Variants in TENT4B observed in about 807,000 individuals in gnomAD.
TENT4B encodes terminal nucleotidyltransferase 4B.
A neutral mutation model predicts 75.0 loss-of-function variants in TENT4B; 10 were observed. That is an observed-to-expected ratio of 0.13 (90% CI 0.08 to 0.23). TENT4B has a LOEUF of 0.23. Among genes scored for constraint, TENT4B ranks in the 10% least tolerant of loss-of-function variants. TENT4B has a pLI of 1.00. For missense variants in TENT4B, 579 were observed against 893.8 expected (o/e 0.65, Z 4.49); for synonymous variants, 350 against 357.7 (o/e 0.98, Z 0.24).
At chr16:50,163,877 G>A (rs919888388) in intron 1 of TENT4B, among the ~76,000 whole-genome samples, 2 of 151,592 alleles carry the variant, frequency 1.3e-5, no homozygotes, top group South Asian at 2.1e-4. Flanking sequence ...ATGGGGTCTC[G>A]CCGGGTGCGA....
chr16:50,231,774 A>G lies in TENT4B; in HGVS notation c.*2446A>G. The stretch of plus-strand genomic sequence containing the variant: ...CGTGAATACTGTGTATCTTGCAGTG[A>G]ACAGTGTGGAAGCTGTTCATTTTTC... On this transcript the variant is annotated 3_prime_UTR_variant, in exon 12 of 12. Transcript: ENST00000561678. The G allele has an allele frequency of 1.0e-6, 1 of 985,814 alleles. No homozygotes were observed. Among genetic ancestry groups the G allele is most frequent in the Non-Finnish European group, 1.2e-6 (1 of 829,876 alleles). 61.1% of individuals were successfully genotyped at this position (985,814 alleles called of 1,614,324 possible).
chr16:50,224,454 A>G (rs963182136), intron 7 of TENT4B, among the ~76,000 whole-genome samples: 5 of 152,194 alleles, frequency 3.3e-5, no homozygotes, highest in African/African-American at 9.7e-5. Flanking sequence ...ACATTCCGGC[A>G]ACTGATACAC....
At position 50,231,579 on chromosome 16, in the gene TENT4B, G is replaced by A; in HGVS notation, c.*2251G>A. The A allele has an allele frequency of 1.0e-6, 1 of 985,818 alleles. No individual in the cohort carries two copies. The highest frequency in any genetic ancestry group is 1.2e-6 in the Non-Finnish European group (1 of 829,908). The allele number at this position is 985,818 out of a possible 1,614,324, so 61.1% of individuals were successfully genotyped here. A position where few individuals can be genotyped will look rare whatever the true frequency, so the allele number is the denominator to read the frequency against. Reference sequence around the variant, plus strand: ...TATATTAAGGTGGTGGTAGCGGGAAGATAATTCTGATTCCATTGGGAATCT... The same window carrying A: ...TATATTAAGGTGGTGGTAGCGGGAAAATAATTCTGATTCCATTGGGAATCT... On this transcript the variant is annotated 3_prime_UTR_variant, in exon 12 of 12. Transcript: ENST00000561678.
chr16:50,154,200 C>T lies in TENT4B; in HGVS notation c.579C>T (p.Gly193=), dbSNP rs1483281916. The T allele has an allele frequency of 1.1e-5, 16 of 1,503,310 alleles. No homozygotes were observed. Among genetic ancestry groups the T allele is most frequent in the Non-Finnish European group, 1.3e-5 (15 of 1,133,692 alleles). The allele number at this position is 1,503,310 out of a possible 1,614,324, so 93.1% of individuals were successfully genotyped here. ...CGGGGGGCGGCCGAGCAGACGGCGG[C>T]GGGGTCGTGTACAGCGGGACCCCGT... is the stretch of plus-strand genomic sequence containing the variant. The part of the protein sequence containing the change: ...RAAGGGRADG[G]GVVYSGTPWK... Residue 193 remains glycine, a synonymous_variant, in exon 1 of 12, where the codon GGC becomes GGT. Coordinates refer to ENST00000561678, the MANE Select transcript of TENT4B (RefSeq NM_001365324.3).
At chr16:50,218,437 A>G (rs1310371391) in intron 5 of TENT4B, among the ~76,000 whole-genome samples, 1 of 151,966 alleles carries the variant, frequency 6.6e-6, no homozygotes, top group Non-Finnish European at 1.5e-5. Context: ...CCCGGGTTCA[A>G]GCAATTCTTC....
intron 1 of TENT4B, among the ~76,000 whole-genome samples, chr16:50,184,673 A>G (rs372850208): frequency 2.1e-5 from 3 of 145,156 alleles, no homozygotes; most frequent in East Asian, 2.0e-4. Context: ...TCTCAAAAAG[A>G]AAAAAAAAAG....
chr16:50,212,193 A>C (rs765626051), intron 2 of TENT4B, among the ~76,000 whole-genome samples: 7 of 152,004 alleles, frequency 4.6e-5, no homozygotes, highest in South Asian at 2.1e-4. Flanking sequence ...AGTAGCTGGG[A>C]CTGCAGGTGC....
rs2032228555 is a variant in TENT4B at position 50,230,007 on chromosome 16, ATTTG to A, written c.*683_*686del. ...GGGAAGTGATTAGTTCTATTACTCA[ATTTG>A]TTTTTCTCAGCATTGAAATGACTTA... On this transcript the variant is annotated 3_prime_UTR_variant, in exon 12 of 12. Transcript: ENST00000561678. The A allele has an allele frequency of 1.0e-6, 1 of 981,936 alleles. No homozygotes were observed. Among genetic ancestry groups the A allele is most frequent in the Non-Finnish European group, 1.2e-6 (1 of 826,694 alleles). The allele number at this position is 981,936 out of a possible 1,614,324, so 60.8% of individuals were successfully genotyped here. A position where few individuals can be genotyped will look rare whatever the true frequency, so the allele number is the denominator to read the frequency against.
chr16:50,206,354 A>ATTTTTTTTT (rs35118426), intron 1 of TENT4B, among the ~76,000 whole-genome samples: 1 of 96,550 alleles, frequency 1.0e-5, no homozygotes, highest in African/African-American at 3.9e-5. Flanking sequence ...ATATGTATGT[A>ATTTTTTTTT]TTTTTTTTTT....
intron 10 of TENT4B, among the ~76,000 whole-genome samples, chr16:50,227,371 G>T (rs1417480440): frequency 6.6e-6 from 1 of 152,184 alleles, no homozygotes; most frequent in African/African-American, 2.4e-5. Flanking sequence ...CCAGAAATAG[G>T]TGGAGCTCAG....
intron 7 of TENT4B, among the ~76,000 whole-genome samples, 190 bp from the exon 8 acceptor site, chr16:50,224,467 T>C (rs1316782974): frequency 6.6e-6 from 1 of 152,136 alleles, no homozygotes; most frequent in African/African-American, 2.4e-5. Context: ...TGATACACCA[T>C]AATGAAGTAC....
intron 1 of TENT4B, among the ~76,000 whole-genome samples, chr16:50,162,663 TC>T (rs2038024060): frequency 6.6e-6 from 1 of 152,228 alleles, no homozygotes; most frequent in Non-Finnish European, 1.5e-5. Context: ...TTCCAGTTTT[TC>T]TTTGGTTTTA....
intron 4 of TENT4B, among the ~76,000 whole-genome samples, chr16:50,217,015 C>T (rs945597722): frequency 4.6e-5 from 7 of 152,214 alleles, no homozygotes; most frequent in African/African-American, 1.4e-4. Context: ...TTGTAGTGTA[C>T]ACCTTAAGAA....
intron 1 of TENT4B, among the ~76,000 whole-genome samples, chr16:50,202,338 C>T (rs182993979): frequency 3.3e-5 from 5 of 152,220 alleles, no homozygotes; most frequent in African/African-American, 1.2e-4. Context: ...AGCCCTTCCA[C>T]TAAAGGTAAA....
chr16:50,225,542 A>G (rs994523328), intron 10 of TENT4B, among the ~76,000 whole-genome samples: 2 of 152,208 alleles, frequency 1.3e-5, no homozygotes, highest in African/African-American at 4.8e-5. Flanking sequence ...TGCTTATGTC[A>G]TACCTGTCTA....
chr16:50,165,664 A>G (rs188015347), intron 1 of TENT4B, among the ~76,000 whole-genome samples: 1 of 152,328 alleles, frequency 6.6e-6, no homozygotes, highest in African/African-American at 2.4e-5. Context: ...CTTTCATATA[A>G]GTGGAATCAT....
chr16:50,186,669 AC>A (rs1182320734), intron 1 of TENT4B, among the ~76,000 whole-genome samples: 3 of 152,028 alleles, frequency 2.0e-5, no homozygotes, highest in Non-Finnish European at 4.4e-5. Flanking sequence ...AGACTTTTCC[AC>A]CATAGCTAAA....
chr16:50,217,252 A>G (rs1257455995), intron 4 of TENT4B, among the ~76,000 whole-genome samples: 3 of 152,228 alleles, frequency 2.0e-5, no homozygotes, highest in African/African-American at 7.2e-5. Flanking sequence ...CAAGATAAGT[A>G]TATCAAAACA....
intron 1 of TENT4B, among the ~76,000 whole-genome samples, chr16:50,194,953 GT>G (rs2030121238): frequency 6.6e-6 from 1 of 151,852 alleles, no homozygotes; most frequent in African/African-American, 2.4e-5. Flanking sequence ...GTTTCACCGT[GT>G]TAGCCAGGAT....
Sources: gnomAD v4.1 joint callset for allele counts (sites outside exome capture counted in the v4.1 genomes callset) on GRCh38, gnomAD v4.1.1 for gene constraint, MANE v1.5 for transcripts, NCBI Gene and HGNC (gene_info 2026-07-23, HGNC 2026-07-21) for gene names.